Variants in CNTNAP2 observed in about 807,000 individuals in gnomAD.
CNTNAP2 encodes contactin associated protein 2.
CNTNAP2 carries 98 observed loss-of-function variants against 155.2 expected under a neutral mutation model. That is an observed-to-expected ratio of 0.63 (90% CI 0.54 to 0.75). The LOEUF is 0.75. CNTNAP2 is among the 30% of genes least tolerant of loss of function. CNTNAP2 has a pLI of 0.00. For missense variants in CNTNAP2, 1,727 were observed against 1,688.1 expected (o/e 1.02, Z -0.40); for synonymous variants, 651 against 631.2 (o/e 1.03, Z -0.47).
At chr7:147,109,152 T>C (rs1440424565) in intron 5 of CNTNAP2, among the ~76,000 whole-genome samples, 1 of 152,172 alleles carries the variant, frequency 6.6e-6, no homozygotes, top group Non-Finnish European at 1.5e-5. Context: ...AAGAATTACT[T>C]GTGTAGATAT....
intron 1 of CNTNAP2, among the ~76,000 whole-genome samples, chr7:146,728,728 T>G (rs921527070): frequency 1.3e-5 from 2 of 152,138 alleles, no homozygotes; most frequent in African/African-American, 2.4e-5. Context: ...AATCCTCAGC[T>G]TTCTGTCCTT....
At chr7:147,322,922 T>A (rs1795379687) in intron 9 of CNTNAP2, among the ~76,000 whole-genome samples, 1 of 110,208 alleles carries the variant, frequency 9.1e-6, no homozygotes, top group Non-Finnish European at 1.8e-5. Flanking sequence ...GGTGGTGATA[T>A]CCCCTTTATC....
At chr7:146,966,543 A>G (rs1797661199) in intron 3 of CNTNAP2, among the ~76,000 whole-genome samples, 1 of 152,212 alleles carries the variant, frequency 6.6e-6, no homozygotes, top group African/African-American at 2.4e-5. Flanking sequence ...TCAATCCACC[A>G]GATGAATATT....
At chr7:146,798,196 G>A (rs531069169) in intron 2 of CNTNAP2, among the ~76,000 whole-genome samples, 18 of 152,096 alleles carry the variant, frequency 1.2e-4, no homozygotes, top group Non-Finnish European at 1.3e-4. Flanking sequence ...CACTTGAGCC[G>A]GGGATGGGGA....
chr7:146,574,250 C>T (rs1483439915), intron 1 of CNTNAP2, among the ~76,000 whole-genome samples: 1 of 152,148 alleles, frequency 6.6e-6, no homozygotes, highest in African/African-American at 2.4e-5. Context: ...TCATAGAATT[C>T]TGTGATGAGT....
Position 147,620,344 on chromosome 7 carries a change from A to G in CNTNAP2, c.1898-18762A>G, listed in dbSNP as rs75349616. On this transcript the variant is annotated intron_variant, in intron 12 of 23. Coordinates refer to ENST00000361727, the MANE Select transcript of CNTNAP2 (RefSeq NM_014141.6). Reference sequence around the variant, plus strand: ...CACCAAATGAGCTAAATAAGGTACCAGGAACCAATCCTAGTGAAACAGAGA... The same window carrying G: ...CACCAAATGAGCTAAATAAGGTACCGGGAACCAATCCTAGTGAAACAGAGA... Among the ~76,000 whole-genome samples the G allele has an allele frequency of 7.1e-3, 1,077 of 152,314 alleles. 14 individuals carry two copies. The highest frequency in any genetic ancestry group is 0.024 in the African/African-American group (1,004 of 41,572).
intron 11 of CNTNAP2, among the ~76,000 whole-genome samples, chr7:147,559,168 G>A (rs952668801): frequency 6.6e-6 from 1 of 152,204 alleles, no homozygotes; most frequent in African/African-American, 2.4e-5. Context: ...GAGCCACCGT[G>A]CCCGGCCTAA....
chr7:146,270,313 G>A (rs1274202456), intron 1 of CNTNAP2, among the ~76,000 whole-genome samples: 5 of 152,148 alleles, frequency 3.3e-5, no homozygotes, highest in South Asian at 2.1e-4. Context: ...AGTGCTCAAC[G>A]TATGGCAGAC....
rs910414813 is a variant in CNTNAP2 at position 147,352,256 on chromosome 7, A to C, written c.1499-43353A>C. On this transcript the variant is annotated intron_variant, in intron 9 of 23. Coordinates refer to ENST00000361727, the MANE Select transcript of CNTNAP2 (RefSeq NM_014141.6). ...GAAATTACTTTTCTGCAATGACTAT[A>C]ATGTAACAAATAGAAATAATTTGTA... 6.6e-5 allele frequency among the ~76,000 whole-genome samples: 10 copies of C among 151,996 alleles called. No homozygotes were observed. The East Asian group carries it at 1.9e-3, about 29-fold the overall frequency.
At chr7:146,407,070 C>T (rs566139233) in intron 1 of CNTNAP2, among the ~76,000 whole-genome samples, 32 of 152,196 alleles carry the variant, frequency 2.1e-4, no homozygotes, top group African/African-American at 7.5e-4. Flanking sequence ...GGGTACTTGA[C>T]GGCAGAGGAC....
chr7:147,482,113 TA>T (rs1798432009), intron 10 of CNTNAP2, among the ~76,000 whole-genome samples: 1 of 152,056 alleles, frequency 6.6e-6, no homozygotes, highest in African/African-American at 2.4e-5. Flanking sequence ...AATTATAAGA[TA>T]AAAACCCCTA....
chr7:148,208,293 G>A (rs1264049668), intron 18 of CNTNAP2, among the ~76,000 whole-genome samples: 1 of 152,136 alleles, frequency 6.6e-6, no homozygotes, highest in Non-Finnish European at 1.5e-5. Flanking sequence ...GAAAATTCGG[G>A]GAGAGGATCA....
At chr7:147,516,886 A>G (rs1283780767) in intron 11 of CNTNAP2, among the ~76,000 whole-genome samples, 2 of 141,734 alleles carry the variant, frequency 1.4e-5, no homozygotes, top group Admixed American at 1.5e-4. Flanking sequence ...TGTGTGTGAC[A>G]TAATCTCGCT....
At chr7:146,971,412 G>T (rs898780010) in intron 3 of CNTNAP2, among the ~76,000 whole-genome samples, 1 of 152,090 alleles carries the variant, frequency 6.6e-6, no homozygotes, top group African/African-American at 2.4e-5. Flanking sequence ...AAACACTAGC[G>T]ATATGAATAA....
intron 1 of CNTNAP2, among the ~76,000 whole-genome samples, chr7:146,126,170 G>A (rs1052987961): frequency 6.6e-6 from 1 of 152,192 alleles, no homozygotes; most frequent in Non-Finnish European, 1.5e-5. Flanking sequence ...ATAGCTGGCT[G>A]AGAGTGAAGT....
intron 3 of CNTNAP2, among the ~76,000 whole-genome samples, chr7:146,926,899 G>A (rs1796620817): frequency 6.6e-6 from 1 of 152,040 alleles, no homozygotes; most frequent in Non-Finnish European, 1.5e-5. Context: ...ATTGCTCAAT[G>A]GATATGGGAA....
At chr7:147,227,300 G>C (rs1231766076) in intron 8 of CNTNAP2, among the ~76,000 whole-genome samples, 1 of 152,034 alleles carries the variant, frequency 6.6e-6, no homozygotes, top group East Asian at 1.9e-4. Context: ...GAGGGACCTG[G>C]AGAATATCTA....
chr7:147,646,953 TTTG>T, intron 13 of CNTNAP2, among the ~76,000 whole-genome samples: 1 of 147,870 alleles, frequency 6.8e-6, no homozygotes, highest in East Asian at 2.0e-4. Context: ...ATTTTGTTTA[TTTG>T]TTTGTGGATG....
At chr7:148,272,531 A>G (rs1036406999) in intron 21 of CNTNAP2, among the ~76,000 whole-genome samples, 3 of 152,214 alleles carry the variant, frequency 2.0e-5, no homozygotes, top group African/African-American at 4.8e-5. Context: ...GGGATGGTTT[A>G]ATATGATGGA....
Sources: gnomAD v4.1 joint callset for allele counts (sites outside exome capture counted in the v4.1 genomes callset) on GRCh38, gnomAD v4.1.1 for gene constraint, MANE v1.5 for transcripts, NCBI Gene and HGNC (gene_info 2026-07-23, HGNC 2026-07-21) for gene names.